The following CDH23 variants were observed in gnomAD, a reference collection of about 807,000 sequenced individuals.
CDH23 encodes the protein cadherin-23.
CDH23 carries 189 observed loss-of-function variants against 317.1 expected under a neutral mutation model. That is an observed-to-expected ratio of 0.60 (90% CI 0.53 to 0.67). The LOEUF is 0.67. Ranked by LOEUF, CDH23 falls within the 30% of genes least tolerant of loss-of-function variation. The pLI, the probability that CDH23 is intolerant of heterozygous loss-of-function variation, is 0.00. For synonymous variants in CDH23, 1,839 were observed against 1,876.8 expected (o/e 0.98, Z 0.52); for missense variants, 4,401 against 4,592.4 (o/e 0.96, Z 1.20).
Position 71,524,882 on chromosome 10 carries a change from G to A in CDH23, c.429+13670G>A, listed in dbSNP as rs558909749. Among the ~76,000 whole-genome samples the A allele has an allele frequency of 1.2e-4, 18 of 152,302 alleles. No individual in the cohort carries two copies. In the South Asian group the frequency reaches 1.7e-3, roughly 14 times the overall value. ...TTCCCTTGGAGCCTCCAGAAGGAAC[G>A]CAGCCCTGCGACACCTGTATTTTAT... is the stretch of plus-strand genomic sequence containing the variant. On this transcript the variant is annotated intron_variant, in intron 6 of 69. Coordinates refer to ENST00000224721, the MANE Select transcript of CDH23 (RefSeq NM_022124.6).
At chr10:71,638,536 A>G (rs1346012469) in intron 11 of CDH23, among the ~76,000 whole-genome samples, 1 of 152,166 alleles carries the variant, frequency 6.6e-6, no homozygotes, top group East Asian at 1.9e-4. Context: ...GTAATGAATG[A>G]CCAAGGGAAG....
intron 9 of CDH23, among the ~76,000 whole-genome samples, chr10:71,602,013 G>T (rs1860258101): frequency 6.6e-6 from 1 of 152,154 alleles, no homozygotes; most frequent in Non-Finnish European, 1.5e-5. Flanking sequence ...GGTCATTCGG[G>T]CTGGTTCAGC....
chr10:71,429,616 CA>C (rs372205075), intron 1 of CDH23, among the ~76,000 whole-genome samples: 1,972 of 152,078 alleles, frequency 0.013, 73 homozygotes, highest in East Asian at 0.11. Context: ...TGATCGGGGA[CA>C]GGGGGGAAAG....
chr10:71,530,929 G>A (rs186066357), intron 6 of CDH23, among the ~76,000 whole-genome samples: 1 of 152,338 alleles, frequency 6.6e-6, no homozygotes. Flanking sequence ...TACACAGCTG[G>A]CCAGCAGACC....
intron 6 of CDH23, among the ~76,000 whole-genome samples, chr10:71,520,060 G>A (rs572016503): frequency 2.6e-5 from 4 of 152,308 alleles, no homozygotes; most frequent in East Asian, 1.9e-4. Flanking sequence ...TGCCTGCTGC[G>A]GCTTCCTAAA....
chr10:71,535,008 C>T (rs1171326601), intron 6 of CDH23, among the ~76,000 whole-genome samples: 1 of 152,218 alleles, frequency 6.6e-6, no homozygotes, highest in Non-Finnish European at 1.5e-5. Flanking sequence ...CAGGAGAGGG[C>T]CCCTGGGGGC....
At chr10:71,459,407 C>T (rs565089074) in intron 3 of CDH23, among the ~76,000 whole-genome samples, 2 of 152,258 alleles carry the variant, frequency 1.3e-5, no homozygotes, top group African/African-American at 4.8e-5. Flanking sequence ...TTAAACCGTG[C>T]TTGGCAAATA....
intron 35 of CDH23, 128 bp downstream of exon 35, chr10:71,738,775 A>C (rs1839651327): frequency 1.8e-5 from 22 of 1,192,656 alleles, no homozygotes; most frequent in Non-Finnish European, 2.6e-5. Context: ...CTGCCCCTGC[A>C]ATCACCCAGT....
chr10:71,457,063 C>T (rs530965235), intron 3 of CDH23, among the ~76,000 whole-genome samples: 5 of 152,254 alleles, frequency 3.3e-5, no homozygotes, highest in South Asian at 2.1e-4. Flanking sequence ...GCTAATGCCC[C>T]GAGGAGGAAG....
chr10:71,463,655 T>C (rs982654662), intron 3 of CDH23, among the ~76,000 whole-genome samples: 1 of 152,214 alleles, frequency 6.6e-6, no homozygotes, highest in African/African-American at 2.4e-5. Flanking sequence ...ATTAGGACAG[T>C]GACTCTCTTG....
At chr10:71,565,166 TG>T (rs1455897864) in intron 6 of CDH23, among the ~76,000 whole-genome samples, 1 of 150,836 alleles carries the variant, frequency 6.6e-6, no homozygotes, top group Non-Finnish European at 1.5e-5. Context: ...CAGAGAACTG[TG>T]GGTTAGCTGA....
intron 35 of CDH23, among the ~76,000 whole-genome samples, chr10:71,739,320 G>T (rs958382975): frequency 6.6e-6 from 1 of 152,118 alleles, no homozygotes; most frequent in Non-Finnish European, 1.5e-5. Context: ...ATGCCGCAGC[G>T]TGTGCCCACC....
At chr10:71,639,130 T>C (rs1246287672) in intron 11 of CDH23, among the ~76,000 whole-genome samples, 1 of 152,244 alleles carries the variant, frequency 6.6e-6, no homozygotes, top group African/African-American at 2.4e-5. Context: ...CTGTAGTGGC[T>C]GGGCTCTGGC....
intron 1 of CDH23, among the ~76,000 whole-genome samples, chr10:71,428,071 T>C (rs1554823427): frequency 6.6e-6 from 1 of 152,034 alleles, no homozygotes; most frequent in African/African-American, 2.4e-5. Flanking sequence ...TGTCATATTA[T>C]AGTCCCACCA....
intron 1 of CDH23, among the ~76,000 whole-genome samples, chr10:71,400,598 G>C (rs909058756): frequency 6.6e-6 from 1 of 152,188 alleles, no homozygotes; most frequent in Non-Finnish European, 1.5e-5. Flanking sequence ...CCAGGAGTTT[G>C]AGACCAGCTT....
chr10:71,418,787 GT>G (rs1848632605), intron 1 of CDH23, among the ~76,000 whole-genome samples: 1 of 152,198 alleles, frequency 6.6e-6, no homozygotes, highest in Non-Finnish European at 1.5e-5. Flanking sequence ...ATAATTGCAA[GT>G]GGTACCCAAT....
At chr10:71,585,077 C>T (rs950284059) in intron 9 of CDH23, among the ~76,000 whole-genome samples, 5 of 152,044 alleles carry the variant, frequency 3.3e-5, no homozygotes, top group Non-Finnish European at 5.9e-5. Context: ...GGAATGAGGG[C>T]GATCTGCTAA....
intron 9 of CDH23, among the ~76,000 whole-genome samples, chr10:71,614,841 G>A (rs539120456): frequency 3.3e-5 from 5 of 152,244 alleles, no homozygotes; most frequent in Non-Finnish European, 7.3e-5. Context: ...AATTGAAGGT[G>A]GCAGAGGGAG....
chr10:71,660,963 G>A (rs1020577003), intron 14 of CDH23, among the ~76,000 whole-genome samples: 35 of 152,060 alleles, frequency 2.3e-4, no homozygotes, highest in African/African-American at 7.2e-4. Context: ...GTGTGTTATC[G>A]AAGCCTCATG....
Sources: gnomAD v4.1 joint callset for allele counts (sites outside exome capture counted in the v4.1 genomes callset) on GRCh38, gnomAD v4.1.1 for gene constraint, MANE v1.5 for transcripts, NCBI Gene and HGNC (gene_info 2026-07-23, HGNC 2026-07-21) for gene names.